DPP10: variants seen among roughly 807,000 people sequenced by gnomAD.
DPP10 encodes the protein inactive dipeptidyl peptidase 10.
A neutral mutation model predicts 120.9 loss-of-function variants in DPP10; 33 were observed. The observed-to-expected ratio is 0.27, with a 90% CI of 0.21 to 0.37. The LOEUF is 0.37. DPP10 is among the 10% of genes least tolerant of loss of function. The probability of loss-of-function intolerance (pLI) is 1.00; values close to 1 mark genes in which losing one functional copy is unlikely to be tolerated. For missense variants in DPP10, 816 were observed against 942.8 expected (o/e 0.87, Z 1.76); for synonymous variants, 337 against 326.1 (o/e 1.03, Z -0.36).
chr2:114,787,235 C>T (rs1476667182), intron 1 of DPP10, among the ~76,000 whole-genome samples: 1 of 152,124 alleles, frequency 6.6e-6, no homozygotes, highest in African/African-American at 2.4e-5. Context: ...GAAGAAAGAG[C>T]ATTCCTGGCA....
chr2:115,807,411 T>C (rs1340604982), intron 19 of DPP10, among the ~76,000 whole-genome samples: 1 of 152,200 alleles, frequency 6.6e-6, no homozygotes. Context: ...CTCATTAATA[T>C]CTATGCTGTT....
chr2:115,503,865 G>A (rs911872282), intron 4 of DPP10, among the ~76,000 whole-genome samples: 1 of 152,088 alleles, frequency 6.6e-6, no homozygotes, highest in African/African-American at 2.4e-5. Context: ...AATCTAGTGA[G>A]TAGAGGTCAG....
At chr2:114,752,544 C>T (rs1679335644) in intron 1 of DPP10, among the ~76,000 whole-genome samples, 1 of 152,184 alleles carries the variant, frequency 6.6e-6, no homozygotes, top group Non-Finnish European at 1.5e-5. Context: ...GTAAAGATAT[C>T]AGTTTGTTAC....
chr2:114,797,349 A>T (rs1683803873), intron 1 of DPP10, among the ~76,000 whole-genome samples: 1 of 152,180 alleles, frequency 6.6e-6, no homozygotes, highest in Non-Finnish European at 1.5e-5. Flanking sequence ...AGATTTGGTC[A>T]TCAGGGTTTC....
chr2:115,433,435 A>C (rs916504347), intron 3 of DPP10, among the ~76,000 whole-genome samples: 1 of 152,002 alleles, frequency 6.6e-6, no homozygotes, highest in African/African-American at 2.4e-5. Flanking sequence ...CCGTGTGTGT[A>C]AATGTATAAA....
chr2:115,474,738 A>G (rs1413649693), intron 3 of DPP10, among the ~76,000 whole-genome samples: 1 of 152,118 alleles, frequency 6.6e-6, no homozygotes, highest in Non-Finnish European at 1.5e-5. Flanking sequence ...GAAAAAAAAA[A>G]AAAAAGCCCA....
intron 1 of DPP10, among the ~76,000 whole-genome samples, chr2:114,933,533 G>A (rs551032755): frequency 6.6e-6 from 1 of 152,172 alleles, no homozygotes; most frequent in African/African-American, 2.4e-5. Flanking sequence ...AGTCAAACAG[G>A]GCTTAACATT....
At chr2:115,085,462 G>C (rs1708614080) in intron 1 of DPP10, among the ~76,000 whole-genome samples, 1 of 152,150 alleles carries the variant, frequency 6.6e-6, no homozygotes, top group Admixed American at 6.5e-5. Flanking sequence ...TTTCTACCCA[G>C]TTGTTCCCAA....
In DPP10 at chr2:114,853,407, G is replaced by C. The variant is rs970319868; in HGVS notation, c.60+410569G>C. 4.6e-5 allele frequency among the ~76,000 whole-genome samples: 7 copies of C among 152,182 alleles called. No individual in the cohort carries two copies. In the East Asian group the frequency reaches 7.7e-4, roughly 17 times the overall value. ...TCTGATTCAGCTCTAGAATGAGGAAGTGGCTAGTGGGCTTTTAAAAGGCTT... is the reference window on the plus strand; with the variant it reads ...TCTGATTCAGCTCTAGAATGAGGAACTGGCTAGTGGGCTTTTAAAAGGCTT... On this transcript the variant is annotated intron_variant, in intron 1 of 25. Transcript: ENST00000410059.
At chr2:115,778,066 C>T (rs1357606692) in intron 15 of DPP10, among the ~76,000 whole-genome samples, 1 of 151,974 alleles carries the variant, frequency 6.6e-6, no homozygotes, top group South Asian at 2.1e-4. Flanking sequence ...TTTTCTTCAC[C>T]TGCTTTTGCA....
chr2:115,232,096 A>G (rs998254194), intron 1 of DPP10, among the ~76,000 whole-genome samples: 1 of 152,140 alleles, frequency 6.6e-6, no homozygotes, highest in African/African-American at 2.4e-5. Flanking sequence ...TGCCTAGTCC[A>G]TTGTATTGTT....
intron 5 of DPP10, among the ~76,000 whole-genome samples, chr2:115,613,613 C>T (rs2084273592): frequency 6.6e-6 from 1 of 152,144 alleles, no homozygotes; most frequent in Non-Finnish European, 1.5e-5. Flanking sequence ...TTTCAATTCC[C>T]ACAAGCCTCC....
chr2:115,677,772 C>G (rs763567318), intron 5 of DPP10, among the ~76,000 whole-genome samples: 5 of 152,062 alleles, frequency 3.3e-5, no homozygotes, highest in Non-Finnish European at 5.9e-5. Flanking sequence ...ATTTACAAAG[C>G]AAATATTGTT....
intron 3 of DPP10, among the ~76,000 whole-genome samples, chr2:115,421,769 G>A (rs2069983012): frequency 6.6e-6 from 1 of 150,886 alleles, no homozygotes; most frequent in African/African-American, 2.4e-5. Context: ...TACTCAGGAG[G>A]CTGAGGCAGG....
chr2:115,774,045 A>G (rs1223146169), intron 13 of DPP10, among the ~76,000 whole-genome samples: 1 of 152,126 alleles, frequency 6.6e-6, no homozygotes, highest in Non-Finnish European at 1.5e-5. Context: ...CCAACAAGAG[A>G]TCTTTTGGTC....
intron 1 of DPP10, among the ~76,000 whole-genome samples, chr2:114,981,423 T>G (rs1485862486): frequency 2.0e-5 from 3 of 152,218 alleles, no homozygotes; most frequent in Non-Finnish European, 4.4e-5. Flanking sequence ...TTACAATACT[T>G]TTTTACATAA....
intron 1 of DPP10, among the ~76,000 whole-genome samples, chr2:114,590,807 T>C (rs1573736505): frequency 1.3e-5 from 2 of 152,354 alleles, no homozygotes; most frequent in East Asian, 3.9e-4. Flanking sequence ...TTTGAGCATT[T>C]ATTAAATTTA....
intron 3 of DPP10, among the ~76,000 whole-genome samples, chr2:115,377,862 C>T (rs372661084): frequency 1.3e-5 from 2 of 151,960 alleles, no homozygotes; most frequent in Admixed American, 1.3e-4. Flanking sequence ...CAGATAGTTG[C>T]AGATATGTGG....
At chr2:115,658,951 C>T (rs1035191449) in intron 5 of DPP10, among the ~76,000 whole-genome samples, 2 of 151,968 alleles carry the variant, frequency 1.3e-5, no homozygotes, top group Non-Finnish European at 2.9e-5. Flanking sequence ...GAAAGTGTCC[C>T]CCAAAGTTTA....
Sources: gnomAD v4.1 joint callset for allele counts (sites outside exome capture counted in the v4.1 genomes callset) on GRCh38, gnomAD v4.1.1 for gene constraint, MANE v1.5 for transcripts, NCBI Gene and HGNC (gene_info 2026-07-23, HGNC 2026-07-21) for gene names.